UNC13C: variants seen among roughly 807,000 people sequenced by gnomAD.
UNC13C encodes protein unc-13 homolog C.
Under a neutral mutation model 245.4 loss-of-function variants are expected in UNC13C, and 174 were observed. The observed-to-expected ratio is 0.71, with a 90% CI of 0.63 to 0.80. UNC13C has a LOEUF of 0.80. UNC13C is among the 30% of genes least tolerant of loss of function. The probability of loss-of-function intolerance (pLI) is 0.00; values close to 1 mark genes in which losing one functional copy is unlikely to be tolerated. For synonymous variants in UNC13C, 992 were observed against 895.1 expected, an observed-to-expected ratio of 1.11 and a Z score of -1.93; for missense variants, 2,829 against 2,602.9, an observed-to-expected ratio of 1.09 and a Z score of -1.89.
chr15:54,615,144 A>G (rs531383147), intron 30 of UNC13C, among the ~76,000 whole-genome samples: 1 of 152,122 alleles, frequency 6.6e-6, no homozygotes, highest in Non-Finnish European at 1.5e-5. Flanking sequence ...ACAGGCATGC[A>G]ATGTGAAATA....
intron 17 of UNC13C, among the ~76,000 whole-genome samples, chr15:54,379,601 G>T (rs1383773538): frequency 2.0e-5 from 3 of 152,020 alleles, no homozygotes; most frequent in African/African-American, 7.2e-5. Flanking sequence ...GGCCAAATTT[G>T]CAGGCCATAT....
At chr15:54,406,761 A>G (rs919873003) in intron 18 of UNC13C, among the ~76,000 whole-genome samples, 1 of 152,156 alleles carries the variant, frequency 6.6e-6, no homozygotes, top group Non-Finnish European at 1.5e-5. Flanking sequence ...GTCACTATGC[A>G]CTTCTCTTTG....
rs186381512 is a variant in UNC13C, at chr15:53,986,281, C to G, written c.-257+7354C>G. On this transcript the variant is annotated intron_variant, in intron 1 of 32. Coordinates refer to ENST00000260323, the MANE Select transcript of UNC13C (RefSeq NM_001080534.3). ...GGGAGGGAATGCCAATTAGGAGAGACAAAGTGTGGGGTCAACTCTAGAATC... is the reference window on the plus strand; with the variant it reads ...GGGAGGGAATGCCAATTAGGAGAGAGAAAGTGTGGGGTCAACTCTAGAATC... Among the ~76,000 whole-genome samples the G allele has an allele frequency of 5.4e-3, 829 of 152,164 alleles. 6 individuals carry two copies. Among genetic ancestry groups the G allele is most frequent in the Non-Finnish European group, 9.6e-3 (655 of 67,966 alleles).
At chr15:54,428,730 G>A (rs1184254096) in intron 19 of UNC13C, among the ~76,000 whole-genome samples, 1 of 151,532 alleles carries the variant, frequency 6.6e-6, no homozygotes, top group Non-Finnish European at 1.5e-5. Context: ...TGGTCTCTGT[G>A]CTAGATCTGA....
At chr15:53,840,458 C>T in the UNC13C span, among the ~76,000 whole-genome samples, 2 of 151,808 alleles carry the variant, frequency 1.3e-5, no homozygotes, top group Non-Finnish European at 2.9e-5. Flanking sequence ...AAACTAGAGT[C>T]ATAATAGGAA....
At chr15:53,921,588 A>C in the UNC13C span, among the ~76,000 whole-genome samples, 1 of 152,220 alleles carries the variant, frequency 6.6e-6, no homozygotes, top group African/African-American at 2.4e-5. Flanking sequence ...TCACTGGGAT[A>C]TCAACTTTCT....
chr15:53,937,951 G>A, the UNC13C span, among the ~76,000 whole-genome samples: 11,940 of 152,254 alleles, frequency 0.078, 660 homozygotes, highest in East Asian at 0.21. Flanking sequence ...ACAGACCAGT[G>A]ATACTGTGAA....
At chr15:54,623,520 C>T (rs1009152111) in intron 31 of UNC13C, among the ~76,000 whole-genome samples, 2 of 152,124 alleles carry the variant, frequency 1.3e-5, no homozygotes, top group African/African-American at 4.8e-5. Flanking sequence ...CATGTTTTTA[C>T]CAAGAGGAGG....
Position 54,396,728 on chromosome 15 carries a change from A to G in UNC13C, c.4847+3547A>G, listed in dbSNP as rs181041068. Among the ~76,000 whole-genome samples, 163 of 151,576 alleles carry G rather than the reference A, an allele frequency of 1.1e-3. 1 individual carries two copies. The highest frequency in any genetic ancestry group is 1.7e-3 in the Non-Finnish European group (115 of 67,542). ...TTTAGTTTTACCTATCCTAACAGGC[A>G]TATATTATCTAACTATGATTTTAAT... On this transcript the variant is annotated intron_variant, in intron 18 of 32. Coordinates refer to ENST00000260323, the MANE Select transcript of UNC13C (RefSeq NM_001080534.3).
chr15:54,095,367 A>C (rs571228137), intron 2 of UNC13C, among the ~76,000 whole-genome samples: 92 of 152,296 alleles, frequency 6.0e-4, no homozygotes, highest in African/African-American at 2.1e-3. Flanking sequence ...CATTCTCTCC[A>C]AAATTCCTCT....
In UNC13C at chr15:54,532,551, G is replaced by A. The variant is rs137927266; in HGVS notation, c.5547-366G>A. 7.5e-3 allele frequency among the ~76,000 whole-genome samples: 1,137 copies of A among 152,218 alleles called. 16 individuals carry two copies. The highest frequency in any genetic ancestry group is 0.026 in the African/African-American group (1,080 of 41,530). ...AGGGACATGGATGGAGTTGGAGGCCGTTATCATTAGCAAACTAACACATGA... is the reference window on the plus strand; with the variant it reads ...AGGGACATGGATGGAGTTGGAGGCCATTATCATTAGCAAACTAACACATGA... On this transcript the variant is annotated intron_variant, in intron 25 of 32. Transcript: ENST00000260323.
At chr15:54,271,095 T>A (rs1200501371) in intron 10 of UNC13C, among the ~76,000 whole-genome samples, 2 of 152,102 alleles carry the variant, frequency 1.3e-5, no homozygotes, top group African/African-American at 4.8e-5. Context: ...AAACAAAGAG[T>A]TTGAATTTAT....
the UNC13C span, among the ~76,000 whole-genome samples, chr15:53,904,626 T>C: frequency 6.6e-5 from 10 of 152,206 alleles, no homozygotes; most frequent in African/African-American, 2.2e-4. Context: ...TACGATATTC[T>C]GAACCTTATA....
intron 1 of UNC13C, among the ~76,000 whole-genome samples, chr15:53,998,381 G>C (rs1020803491): frequency 6.6e-6 from 1 of 151,968 alleles, no homozygotes; most frequent in Non-Finnish European, 1.5e-5. Flanking sequence ...AAAATTTTAT[G>C]ATTTTGATGT....
At chr15:54,616,693 A>ATAGTT (rs979129635) in intron 30 of UNC13C, among the ~76,000 whole-genome samples, 1 of 152,088 alleles carries the variant, frequency 6.6e-6, no homozygotes, top group African/African-American at 2.4e-5. Context: ...AGGTTAAAAA[A>ATAGTT]TAGTTTACAA....
the UNC13C span, among the ~76,000 whole-genome samples, chr15:53,902,273 T>C: frequency 2.6e-5 from 4 of 152,094 alleles, no homozygotes; most frequent in Non-Finnish European, 4.4e-5. Context: ...CTAACCCTAA[T>C]CCCACCTAGG....
intron 2 of UNC13C, among the ~76,000 whole-genome samples, chr15:54,081,598 G>A (rs1345029329): frequency 9.2e-6 from 1 of 108,812 alleles, no homozygotes; most frequent in Non-Finnish European, 2.2e-5. Context: ...TACAAGAATA[G>A]CAATCCCTGC....
chr15:54,392,881 A>T (rs892365205), intron 17 of UNC13C, among the ~76,000 whole-genome samples, 167 bp from the exon 18 acceptor site: 1 of 151,974 alleles, frequency 6.6e-6, no homozygotes, highest in African/African-American at 2.4e-5. Flanking sequence ...ATTCTATGGG[A>T]TGTCATTCAA....
At chr15:54,178,387 G>A (rs2033686160) in intron 4 of UNC13C, among the ~76,000 whole-genome samples, 1 of 151,890 alleles carries the variant, frequency 6.6e-6, no homozygotes, top group African/African-American at 2.4e-5. Context: ...AAAAATCGAT[G>A]GATATTTAAG....
Sources: allele counts gnomAD v4.1 joint callset (sites outside exome capture counted in the v4.1 genomes callset), GRCh38; gene constraint gnomAD v4.1.1; transcripts MANE v1.5; gene names NCBI Gene and HGNC (gene_info 2026-07-23, HGNC 2026-07-21).